LEPR: variants seen among roughly 807,000 people sequenced by gnomAD.
The protein encoded by LEPR is OB receptor.
LEPR carries 56 observed loss-of-function variants against 114.7 expected under a neutral mutation model. The observed-to-expected ratio is 0.49, with a 90% confidence interval of 0.39 to 0.61. LEPR has a LOEUF of 0.61. Among genes scored for constraint, LEPR ranks in the 20% least tolerant of loss-of-function variants. The pLI, the probability that LEPR is intolerant of heterozygous loss-of-function variation, is 0.00. For synonymous variants in LEPR, 443 were observed against 461.4 expected, an observed-to-expected ratio of 0.96 and a Z score of 0.51; for missense variants, 1,202 against 1,352.9, an observed-to-expected ratio of 0.89 and a Z score of 1.75.
At chr1:65,451,764 CT>C (rs1438381710) in intron 2 of LEPR, among the ~76,000 whole-genome samples, 1 of 151,708 alleles carries the variant, frequency 6.6e-6, no homozygotes, top group Non-Finnish European at 1.5e-5. Context: ...GATGCGGGCT[CT>C]TTTTTGGTTC....
At chr1:65,549,738 C>T (rs957034350) in intron 2 of LEPR, among the ~76,000 whole-genome samples, 6 of 152,156 alleles carry the variant, frequency 3.9e-5, no homozygotes, top group Admixed American at 2.6e-4. Context: ...AAGTTTTCAA[C>T]TTCTTTGCCT....
chr1:65,617,767 A>G (rs1162976114), intron 15 of LEPR, among the ~76,000 whole-genome samples, 197 bp from the exon 16 acceptor site: 2 of 152,106 alleles, frequency 1.3e-5, no homozygotes, highest in South Asian at 2.1e-4. Flanking sequence ...GTTTCTCTTC[A>G]ATGTCATCTA....
chr1:65,551,804 T>C (rs1652390566), intron 2 of LEPR, among the ~76,000 whole-genome samples: 2 of 152,206 alleles, frequency 1.3e-5, no homozygotes, highest in South Asian at 4.1e-4. Flanking sequence ...TGATAGGGTG[T>C]CAATTTTAGA....
At chr1:65,436,281 A>G (rs1646561599) in intron 2 of LEPR, among the ~76,000 whole-genome samples, 4 of 152,168 alleles carry the variant, frequency 2.6e-5, no homozygotes, top group African/African-American at 9.7e-5. Context: ...ATTGGAAAAG[A>G]AAAAAACCTG....
intron 2 of LEPR, among the ~76,000 whole-genome samples, chr1:65,439,281 A>G (rs532259944): frequency 2.6e-5 from 4 of 152,350 alleles, no homozygotes; most frequent in Admixed American, 2.6e-4. Context: ...CCTGATTTCT[A>G]ACTTATTACA....
intron 19 of LEPR, chr1:65,629,253 A>G: frequency 3.5e-6 from 1 of 285,000 alleles, no homozygotes. Context: ...TTAAATAAAA[A>G]CATTAGCACT....
chr1:65,585,624 G>C (rs1655262084), intron 5 of LEPR, among the ~76,000 whole-genome samples: 1 of 151,946 alleles, frequency 6.6e-6, no homozygotes, highest in Admixed American at 6.6e-5. Context: ...TTTACATGTA[G>C]AGGTATTAAA....
intron 2 of LEPR, chr1:65,525,737 G>T: frequency 1.0e-6 from 1 of 986,068 alleles, no homozygotes; most frequent in Non-Finnish European, 1.2e-6. Flanking sequence ...CCCACGGCCA[G>T]CCGAGCGCGC....
chr1:65,508,933 AT>A (rs934278905), intron 2 of LEPR, among the ~76,000 whole-genome samples: 1 of 151,640 alleles, frequency 6.6e-6, no homozygotes, highest in Admixed American at 6.6e-5. Flanking sequence ...TAAGTATTTT[AT>A]TTTTTTTGAT....
chr1:65,570,434 G>C, intron 3 of LEPR, 39 bp from the exon 4 acceptor site: 1 of 1,588,330 alleles, frequency 6.3e-7, no homozygotes, highest in Non-Finnish European at 8.6e-7. Context: ...TAGTCAAAAT[G>C]ATTACTTTTT....
At position 65,539,601 on chromosome 1, in the gene LEPR, T is replaced by C. The variant is rs549318806; in HGVS notation, c.-20-25945T>C. On this transcript the variant is annotated intron_variant, in intron 2 of 19. Transcript: ENST00000349533. ...TTTTTCCTCCTTTAACACATAGGAG[T>C]GTATACTATAATTTTTAAATTGTCT... Among the ~76,000 whole-genome samples, 5 of 152,092 alleles carry C rather than the reference T, an allele frequency of 3.3e-5. No homozygotes were observed. In the East Asian group the frequency reaches 9.7e-4, roughly 29 times the overall value.
intron 4 of LEPR, among the ~76,000 whole-genome samples, chr1:65,571,533 A>G (rs1654153967): frequency 6.6e-6 from 1 of 151,990 alleles, no homozygotes; most frequent in Non-Finnish European, 1.5e-5. Context: ...GACCTCCAGT[A>G]TGAAAATACA....
chr1:65,593,032 C>T (rs1477281077), intron 6 of LEPR, among the ~76,000 whole-genome samples, 167 bp downstream of exon 6: 1 of 152,040 alleles, frequency 6.6e-6, no homozygotes, highest in Non-Finnish European at 1.5e-5. Context: ...AATGATTTAA[C>T]AATGGTATGT....
In LEPR at chr1:65,601,543, T is replaced by C. The variant is rs1413154877; in HGVS notation, c.1146T>C (p.Asp382=). Residue 382 remains aspartate (D), a synonymous_variant, in exon 9 of 20, where the codon GAT becomes GAC. Transcript: ENST00000349533. ...AGAAAATTCCTCAAAGCCAGTATGA[T>C]GTTGTGAGTGATCATGTTAGCAAAG... is the stretch of plus-strand genomic sequence containing the variant. ...LAEKIPQSQY[D]VVSDHVSKVT... The C allele has an allele frequency of 6.2e-7, 1 of 1,613,692 alleles. No homozygotes were observed. Among genetic ancestry groups the C allele is most frequent in the African/African-American group, 1.3e-5 (1 of 74,920 alleles).
intron 3 of LEPR, among the ~76,000 whole-genome samples, chr1:65,566,451 C>T (rs1263949895): frequency 2.0e-5 from 3 of 152,268 alleles, no homozygotes; most frequent in Admixed American, 6.5e-5. Flanking sequence ...CTGCCCGCCT[C>T]GGCCTCCCAA....
Position 65,636,612 on chromosome 1 carries a change from A to C in LEPR, c.3095A>C (p.Glu1032Ala), listed in dbSNP as rs756450947. 1 of 1,613,642 alleles carries C rather than the reference A, an allele frequency of 6.2e-7. No individual in the cohort carries two copies. The highest frequency in any genetic ancestry group is 1.7e-5 in the Admixed American group (1 of 59,900). Residue 1032 changes from glutamate (E) to alanine (A), a missense_variant, in exon 20 of 20, where the codon GAG (glutamate) becomes GCG (alanine). By Grantham distance (107) the Glu-to-Ala change is moderately radical (BLOSUM62 -1). Coordinates refer to ENST00000349533, the MANE Select transcript of LEPR (RefSeq NM_002303.6). ...TTCTCTAATAGCTCATGGGAGATAG[A>C]GGCCCAGGCATTTTTTATATTATCA... ...DSFSNSSWEI[E>A]AQAFFILSDQ...
In LEPR at chr1:65,598,702, A is replaced by G. The variant is rs1329962455; in HGVS notation, c.892A>G (p.Ile298Val). 6 of 1,613,416 alleles carry G rather than the reference A, an allele frequency of 3.7e-6. No individual in the cohort carries two copies. Among genetic ancestry groups the G allele is most frequent in the East Asian group, 2.2e-5 (1 of 44,880 alleles). The stretch of plus-strand genomic sequence containing the variant: ...AGCTACATCCCTGCTAGTAGACAGT[A>G]TACTTCCTGGGTCTTCGTATGAGGT... ...VSATSLLVDS[I>V]LPGSSYEVQV... Residue 298 changes from isoleucine (I) to valine (V), a missense_variant, in exon 8 of 20, where the codon ATA becomes GTA. By Grantham distance (29) the Ile-to-Val change is conservative. Coordinates refer to ENST00000349533, the MANE Select transcript of LEPR (RefSeq NM_002303.6).
Position 65,434,061 on chromosome 1 carries a change from C to A in LEPR, c.-21+8683C>A. On this transcript the variant is annotated intron_variant, in intron 2 of 19. Transcript: ENST00000349533. ...GTTGCTTATACACATTTTCAATAAC[C>A]AAGGTAGCCTTCATATGTAGCCTTA... is the stretch of plus-strand genomic sequence containing the variant. 4.1e-6 allele frequency: 4 copies of A among 985,210 alleles called. No individual in the cohort carries two copies. In the South Asian group the frequency reaches 1.4e-4, roughly 35 times the overall value. The allele number at this position is 985,210 out of a possible 1,614,324, so 61.0% of individuals were successfully genotyped here.
chr1:65,574,192 T>A (rs767108000), intron 5 of LEPR, among the ~76,000 whole-genome samples: 47 of 152,044 alleles, frequency 3.1e-4, no homozygotes, highest in Non-Finnish European at 6.2e-4. Context: ...CTGAGTTGAG[T>A]CATTAGAGAT....
Sources: allele counts gnomAD v4.1 joint callset (sites outside exome capture counted in the v4.1 genomes callset), GRCh38; gene constraint gnomAD v4.1.1; transcripts MANE v1.5; gene names NCBI Gene and HGNC (gene_info 2026-07-23, HGNC 2026-07-21).